Variants in WWOX observed in about 807,000 individuals in gnomAD.
WWOX encodes the protein WW domain-containing oxidoreductase.
A neutral mutation model predicts 46.2 loss-of-function variants in WWOX; 69 were observed. That is an observed-to-expected ratio of 1.49 (90% CI 1.23 to 1.82). WWOX has a LOEUF of 1.82. WWOX is among the 40% of genes most tolerant of loss of function. The probability of loss-of-function intolerance (pLI) is 0.00; values close to 1 mark genes in which losing one functional copy is unlikely to be tolerated. For synonymous variants in WWOX, 359 were observed against 202.6 expected (o/e 1.77, Z -6.56); for missense variants, 919 against 542.6 (o/e 1.69, Z -6.89).
In WWOX at chr16:78,339,665, G is replaced by T. The variant is rs1413881843; in HGVS notation, c.517-47195G>T. ...GTATTTCAGGTTTCAAAATGTTTCT[G>T]TTCCATCCTCATTTTATTCATTGTT... On this transcript the variant is annotated intron_variant, in intron 5 of 8. Coordinates refer to ENST00000566780, the MANE Select transcript of WWOX (RefSeq NM_016373.4). Among the ~76,000 whole-genome samples, 5 of 119,144 alleles carry T rather than the reference G, an allele frequency of 4.2e-5. 1 individual carries two copies. Among genetic ancestry groups the T allele is most frequent in the Non-Finnish European group, 1.0e-4 (5 of 50,094 alleles). 78.2% of individuals were successfully genotyped at this position (119,144 alleles called of 152,430 possible). A position where few individuals can be genotyped will look rare whatever the true frequency, so the allele number is the denominator to read the frequency against.
intron 8 of WWOX, chr16:78,825,501 A>T: frequency 2.1e-6 from 1 of 485,068 alleles, no homozygotes; most frequent in Admixed American, 2.1e-5. Flanking sequence ...TGTAGTTCAG[A>T]AGAGATTTGG....
intron 8 of WWOX, among the ~76,000 whole-genome samples, chr16:78,967,107 C>G (rs544469210): frequency 1.9e-4 from 29 of 152,174 alleles, no homozygotes; most frequent in African/African-American, 6.7e-4. Flanking sequence ...GCATCTGTCC[C>G]TGGGTTATCT....
chr16:79,054,722 A>G (rs59229739), intron 8 of WWOX, among the ~76,000 whole-genome samples: 10,938 of 152,120 alleles, frequency 0.072, 536 homozygotes, highest in African/African-American at 0.13. Flanking sequence ...GCTACTCAGG[A>G]AGGTGAGGCG....
At chr16:78,912,199 A>T (rs1013970041) in intron 8 of WWOX, among the ~76,000 whole-genome samples, 3 of 152,068 alleles carry the variant, frequency 2.0e-5, no homozygotes, top group African/African-American at 7.2e-5. Flanking sequence ...GCTCTTATTT[A>T]TAGGAACTGA....
At chr16:78,508,026 G>T (rs971183256) in intron 8 of WWOX, among the ~76,000 whole-genome samples, 5 of 151,680 alleles carry the variant, frequency 3.3e-5, no homozygotes, top group East Asian at 3.9e-4. Flanking sequence ...GTGTGTGTGT[G>T]TGACGGAGTC....
At chr16:78,473,437 A>G (rs1250943283) in intron 8 of WWOX, among the ~76,000 whole-genome samples, 3 of 152,086 alleles carry the variant, frequency 2.0e-5, no homozygotes, top group African/African-American at 7.2e-5. Context: ...TGTATTGTTG[A>G]TACAGTATGA....
chr16:78,679,857 T>G (rs2047688741), intron 8 of WWOX, among the ~76,000 whole-genome samples: 1 of 152,220 alleles, frequency 6.6e-6, no homozygotes, highest in Admixed American at 6.5e-5. Flanking sequence ...ATGCTGTCAT[T>G]GCTGCCGCAT....
chr16:78,753,842 A>G (rs1374944620), intron 8 of WWOX, among the ~76,000 whole-genome samples: 1 of 108,014 alleles, frequency 9.3e-6, no homozygotes, highest in African/African-American at 3.7e-5. Flanking sequence ...ATATATATAT[A>G]TATATATATA....
chr16:78,920,486 A>T (rs1423405292), intron 8 of WWOX, among the ~76,000 whole-genome samples: 1 of 152,120 alleles, frequency 6.6e-6, no homozygotes, highest in Non-Finnish European at 1.5e-5. Flanking sequence ...TGACTGGAGG[A>T]ACTGCTGCCT....
At chr16:79,150,698 C>G (rs545625295) in intron 8 of WWOX, among the ~76,000 whole-genome samples, 18 of 152,224 alleles carry the variant, frequency 1.2e-4, no homozygotes, top group African/African-American at 4.3e-4. Flanking sequence ...GTTGCCCAGG[C>G]CACCGTTTAT....
chr16:78,184,790 G>T (rs759759624), intron 5 of WWOX, among the ~76,000 whole-genome samples: 20 of 152,220 alleles, frequency 1.3e-4, no homozygotes, highest in Admixed American at 6.5e-5. Context: ...TCAGAGAGAT[G>T]TCTGGGAAAG....
chr16:78,475,113 C>T (rs1383174162), intron 8 of WWOX, among the ~76,000 whole-genome samples: 2 of 152,160 alleles, frequency 1.3e-5, no homozygotes, highest in East Asian at 3.8e-4. Context: ...TTACTTGGTT[C>T]TTAAACTCTC....
chr16:78,302,186 C>T (rs2080053481), intron 5 of WWOX, among the ~76,000 whole-genome samples: 1 of 152,218 alleles, frequency 6.6e-6, no homozygotes, highest in South Asian at 2.1e-4. Flanking sequence ...GTCTCGAACT[C>T]CTGACCTCAG....
At chr16:78,482,211 A>T (rs914107924) in intron 8 of WWOX, among the ~76,000 whole-genome samples, 7 of 152,216 alleles carry the variant, frequency 4.6e-5, no homozygotes, top group East Asian at 3.9e-4. Flanking sequence ...CTTGCTTTTT[A>T]TCCCAATGTC....
chr16:79,189,608 G>T (rs1178340220), intron 8 of WWOX, among the ~76,000 whole-genome samples: 2 of 152,000 alleles, frequency 1.3e-5, no homozygotes, highest in Non-Finnish European at 2.9e-5. Flanking sequence ...GCCTAGGAAA[G>T]CATATTTTTG....
chr16:78,513,899 C>CA (rs1206022058), intron 8 of WWOX, among the ~76,000 whole-genome samples: 1 of 145,540 alleles, frequency 6.9e-6, no homozygotes, highest in Admixed American at 6.6e-5. Context: ...CCCACTCCCC[C>CA]CCCCCCCACT....
chr16:78,773,677 A>T (rs2050120916), intron 8 of WWOX, among the ~76,000 whole-genome samples: 1 of 152,198 alleles, frequency 6.6e-6, no homozygotes, highest in African/African-American at 2.4e-5. Flanking sequence ...TAAAAACGAA[A>T]TCACAGTGGT....
intron 8 of WWOX, among the ~76,000 whole-genome samples, chr16:78,567,812 G>A (rs576064516): frequency 6.6e-6 from 1 of 152,076 alleles, no homozygotes; most frequent in Non-Finnish European, 1.5e-5. Context: ...TCCAGCCGGG[G>A]TGGTCTCGAG....
chr16:78,370,128 T>TC (rs2081636088), intron 5 of WWOX, among the ~76,000 whole-genome samples: 2 of 9,158 alleles, frequency 2.2e-4, no homozygotes, highest in Non-Finnish European at 5.8e-4. Context: ...CAAGACTGTC[T>TC]CCAAAAAAAA....
Sources: allele counts gnomAD v4.1 joint callset (sites outside exome capture counted in the v4.1 genomes callset), GRCh38; gene constraint gnomAD v4.1.1; transcripts MANE v1.5; gene names NCBI Gene and HGNC (gene_info 2026-07-23, HGNC 2026-07-21).